ITGA11: variants seen among roughly 807,000 people sequenced by gnomAD.
ITGA11 encodes integrin alpha-11.
ITGA11 carries 97 observed loss-of-function variants against 141.9 expected under a neutral mutation model. The observed-to-expected ratio is 0.68, with a 90% CI of 0.58 to 0.81. The LOEUF (loss-of-function observed/expected upper bound fraction) is 0.81, where lower values mean the gene tolerates loss of function less well. Ranked by LOEUF, ITGA11 falls within the 30% of genes least tolerant of loss-of-function variation. ITGA11 has a pLI of 0.00. For missense variants in ITGA11, 1,387 were observed against 1,559.2 expected (o/e 0.89, Z 1.86); for synonymous variants, 658 against 624.6 (o/e 1.05, Z -0.80).
intron 5 of ITGA11, among the ~76,000 whole-genome samples, chr15:68,359,125 A>G (rs1380881): frequency 0.078 from 11,791 of 152,096 alleles, 1,000 homozygotes; most frequent in African/African-American, 0.21. Flanking sequence ...GAGGCACAAC[A>G]ATAGTAAAGA....
rs117931684 is a variant in ITGA11 at position 68,339,123 on chromosome 15, C to T, written c.1276+377G>A. ...AATAAAAATGAATGCAGGTTCCACT[C>T]GACTTGCGTTTTGCCTTTGGGAGGC... On this transcript the variant is annotated intron_variant, in intron 11 of 29. Coordinates refer to ENST00000315757, the MANE Select transcript of ITGA11 (RefSeq NM_001004439.2). 6.7e-3 allele frequency among the ~76,000 whole-genome samples: 1,028 copies of T among 152,308 alleles called. 6 individuals carry two copies. Among genetic ancestry groups the T allele is most frequent in the Non-Finnish European group, 9.7e-3 (663 of 68,016 alleles).
chr15:68,369,350 C>A, intron 2 of ITGA11, 66 bp from the exon 3 acceptor site: 4 of 600,458 alleles, frequency 6.7e-6, no homozygotes, highest in Non-Finnish European at 8.5e-6. Context: ...GAGGATGGAG[C>A]CTGGTGGGCA....
intron 19 of ITGA11, among the ~76,000 whole-genome samples, chr15:68,320,704 T>C (rs1186235537): frequency 6.6e-6 from 1 of 152,218 alleles, no homozygotes; most frequent in Non-Finnish European, 1.5e-5. Flanking sequence ...CTTTTGGCCT[T>C]GGCTGCTAGG....
rs1893929712 is a variant in ITGA11, at chr15:68,325,114, C to T, written c.2322+17G>A. On this transcript the variant is annotated intron_variant, in intron 18 of 29. Transcript: ENST00000315757. This position sits in a 1 kb window ranked among gnomAD's most constrained non-coding sequence, Gnocchi z 5.5. Reference sequence around the variant, plus strand: ...TGGGGTTCATGCCCGAGGTGCGTGCCCTGTACCGAGATGTACCGAGACTCT... The same window carrying T: ...TGGGGTTCATGCCCGAGGTGCGTGCTCTGTACCGAGATGTACCGAGACTCT... 2 of 1,595,750 alleles carry T rather than the reference C, an allele frequency of 1.3e-6. No individual in the cohort carries two copies. The highest frequency in any genetic ancestry group is 2.7e-5 in the African/African-American group (2 of 74,494).
chr15:68,299,629 G>C lies in ITGA11; in HGVS notation c.*3430C>G, dbSNP rs1892981615. The stretch of plus-strand genomic sequence containing the variant: ...ATGGGTGCAGTGAGTTGTTATGCCA[G>C]GAAAGGAGCACGATTAAGCCAGCGG... On this transcript the variant is annotated 3_prime_UTR_variant, in exon 30 of 30. Coordinates refer to ENST00000315757, the MANE Select transcript of ITGA11 (RefSeq NM_001004439.2). 1 of 152,172 alleles carries C rather than the reference G, an allele frequency of 6.6e-6. No homozygotes were observed. Among genetic ancestry groups the C allele is most frequent in the South Asian group, 2.1e-4 (1 of 4,824 alleles). The allele number at this position is 152,172 out of a possible 1,614,324, so 9.4% of individuals were successfully genotyped here.
intron 7 of ITGA11, among the ~76,000 whole-genome samples, chr15:68,353,459 A>G (rs1389438080): frequency 6.6e-6 from 1 of 152,198 alleles, no homozygotes; most frequent in East Asian, 1.9e-4. Context: ...TGGAAGGGCC[A>G]GGCCCAGGAA....
At position 68,307,675 on chromosome 15, in the gene ITGA11, C is replaced by A; in HGVS notation, c.3196G>T (p.Val1066Phe). ...PQLNHSNSDV[V>F]SINCNIRLVP... ...AGCCGTATATTGCAGTTGATGGAGA[C>A]GACATCAGAGTTGCTGTGATTCTGA... The change falls in exon 27 of 30, where the codon GTC (valine) becomes TTC (phenylalanine). Residue 1066 changes from valine to phenylalanine, a missense_variant. Val to Phe is a conservative substitution (Grantham distance 50, BLOSUM62 -1). Coordinates refer to ENST00000315757, the MANE Select transcript of ITGA11 (RefSeq NM_001004439.2). The surrounding 1 kb of genome is among the most constrained non-coding windows in gnomAD (Gnocchi z 6.1). 6.2e-7 allele frequency: 1 copy of A among 1,613,492 alleles called. No individual in the cohort carries two copies. The highest frequency in any genetic ancestry group is 8.5e-7 in the Non-Finnish European group (1 of 1,179,572).
intron 4 of ITGA11, among the ~76,000 whole-genome samples, chr15:68,362,435 A>G (rs545727326): frequency 1.3e-5 from 2 of 152,314 alleles, no homozygotes; most frequent in South Asian, 4.1e-4. Flanking sequence ...TTTTAAGCTC[A>G]GATCTTAAAG....
chr15:68,326,521 G>T lies in ITGA11; in HGVS notation c.2211+133C>A. 1.0e-6 allele frequency: 1 copy of T among 956,908 alleles called. No individual in the cohort carries two copies. The highest frequency in any genetic ancestry group is 1.5e-6 in the Non-Finnish European group (1 of 658,600). 59.3% of individuals were successfully genotyped at this position (956,908 alleles called of 1,614,324 possible). On this transcript the variant is annotated intron_variant, in intron 17 of 29. Transcript: ENST00000315757. The surrounding 1 kb of genome is among the most constrained non-coding windows in gnomAD (Gnocchi z 6.8). ...GGAATGTGGAGTGGCCAAGGTCAGG[G>T]TACACTGTCCCTGGCTGGCTTCCTG...
intron 15 of ITGA11, among the ~76,000 whole-genome samples, chr15:68,330,733 T>C (rs904439810): frequency 6.6e-6 from 1 of 152,164 alleles, no homozygotes; most frequent in Non-Finnish European, 1.5e-5. Flanking sequence ...GAAGACATGC[T>C]TGAGTAGCCA....
At position 68,402,905 on chromosome 15, in the gene ITGA11, C is replaced by T. The variant is rs376494962; in HGVS notation, c.164+13G>A. 2.5e-5 allele frequency: 39 copies of T among 1,586,342 alleles called. No homozygotes were observed. Among genetic ancestry groups the T allele is most frequent in the East Asian group, 2.0e-4 (9 of 44,548 alleles). ...TGGTACAGGGCTGGGTGTGGGCGGC[C>T]GCTCTCACTCACCACTTATTGCCAC... is the stretch of plus-strand genomic sequence containing the variant. On this transcript the variant is annotated intron_variant, in intron 2 of 29. Transcript: ENST00000315757.
chr15:68,365,546 G>GT (rs1465970993), intron 3 of ITGA11: 2 of 18,494 alleles, frequency 1.1e-4, no homozygotes, highest in African/African-American at 2.5e-4. Context: ...AAGTGTGTTG[G>GT]GGTGTGTGTG....
intron 12 of ITGA11, among the ~76,000 whole-genome samples, chr15:68,334,767 G>A (rs983947175): frequency 6.6e-6 from 1 of 152,170 alleles, no homozygotes; most frequent in Non-Finnish European, 1.5e-5. Flanking sequence ...TGTTGGAGGC[G>A]GAACTGGGCA....
In ITGA11 at chr15:68,402,929, A is replaced by T. The variant is rs761425876; in HGVS notation, c.153T>A (p.Ser51Arg). ...FGYTVQQHDI[S>R]GNKWLVVGAP... The stretch of plus-strand genomic sequence containing the variant: ...CCGCTCTCACTCACCACTTATTGCC[A>T]CTGATGTCGTGCTGCTGCACTGTGT... The change falls in exon 2 of 30, where the codon AGT (serine) becomes AGA (arginine). Residue 51 changes from serine to arginine, a missense_variant. Transcript: ENST00000315757. 75 of 1,612,442 alleles carry T rather than the reference A, an allele frequency of 4.7e-5. No homozygotes were observed. Among genetic ancestry groups the T allele is most frequent in the Non-Finnish European group, 1.0e-5 (12 of 1,178,916 alleles).
chr15:68,369,651 T>C (rs969482051), intron 2 of ITGA11, among the ~76,000 whole-genome samples: 1 of 152,154 alleles, frequency 6.6e-6, no homozygotes, highest in Non-Finnish European at 1.5e-5. Context: ...AGAGTGGTAA[T>C]GGAAGTCATT....
intron 3 of ITGA11, chr15:68,365,523 C>T (rs937658530): frequency 6.4e-5 from 10 of 156,382 alleles, no homozygotes; most frequent in Non-Finnish European, 1.1e-4. Context: ...GGAAGTGAGT[C>T]TGAATTCCCC....
Position 68,303,671 on chromosome 15 carries a change from C to T in ITGA11, c.3495+101G>A. On this transcript the variant is annotated intron_variant, in intron 29 of 29. Transcript: ENST00000315757. The surrounding 1 kb of genome is among the most constrained non-coding windows in gnomAD (Gnocchi z 5.3). ...GGCGAGGGGTGGGGTGCCAGCTCCC[C>T]TGGAGAGGAGAACGTGGCAGCGGCC... 1 of 767,168 alleles carries T rather than the reference C, an allele frequency of 1.3e-6. No homozygotes were observed. The highest frequency in any genetic ancestry group is 2.6e-5 in the East Asian group (1 of 38,384). 47.5% of individuals were successfully genotyped at this position (767,168 alleles called of 1,614,324 possible).
chr15:68,350,536 T>C (rs937492800), intron 9 of ITGA11, 81 bp downstream of exon 9: 1 of 1,363,642 alleles, frequency 7.3e-7, no homozygotes, highest in Non-Finnish European at 1.0e-6. Flanking sequence ...TTTCGTTTTG[T>C]GGGATTGGTT....
At position 68,318,346 on chromosome 15, in the gene ITGA11, G is replaced by A. The variant is rs191498514; in HGVS notation, c.2617-983C>T. Among the ~76,000 whole-genome samples the A allele has an allele frequency of 2.0e-3, 302 of 152,310 alleles. 3 individuals are homozygous for A. Among genetic ancestry groups the A allele is most frequent in the Admixed American group, 0.013 (198 of 15,302 alleles). ...CAGGATTAGGAGCAAGCATGAGACT[G>A]GCCTTGTGAAGTCTGGGCCAGGGAA... On this transcript the variant is annotated intron_variant, in intron 20 of 29. Transcript: ENST00000315757.
Sources: allele counts gnomAD v4.1 joint callset (sites outside exome capture counted in the v4.1 genomes callset), GRCh38; gene constraint gnomAD v4.1.1; non-coding constraint Gnocchi (gnomAD v3.1); transcripts MANE v1.5; gene names NCBI Gene and HGNC (gene_info 2026-07-23, HGNC 2026-07-21).